Variants in PRKG1 observed in about 807,000 individuals in gnomAD.
PRKG1 encodes cGMP-dependent protein kinase 1.
Under a neutral mutation model 88.1 loss-of-function variants are expected in PRKG1, and 35 were observed. The ratio of observed to expected loss-of-function variants is 0.40; its 90% CI spans 0.30 to 0.53. The LOEUF is 0.53. PRKG1 is among the 20% of genes least tolerant of loss of function. The pLI, the probability that PRKG1 is intolerant of heterozygous loss-of-function variation, is 0.59. For missense variants in PRKG1, 540 were observed against 839.8 expected, an observed-to-expected ratio of 0.64 and a Z score of 4.41; for synonymous variants, 303 against 292.5, an observed-to-expected ratio of 1.04 and a Z score of -0.37.
intron 3 of PRKG1, among the ~76,000 whole-genome samples, chr10:51,626,814 C>T (rs1839348887): frequency 6.6e-6 from 1 of 152,132 alleles, no homozygotes; most frequent in South Asian, 2.1e-4. Context: ...CATCAGTTTT[C>T]CCTTTTTAAT....
At chr10:51,281,919 G>T (rs1489934474) in intron 2 of PRKG1, among the ~76,000 whole-genome samples, 2 of 152,182 alleles carry the variant, frequency 1.3e-5, no homozygotes, top group African/African-American at 4.8e-5. Flanking sequence ...CTATCCCTGA[G>T]CCCATCTCAG....
At chr10:51,970,095 T>C (rs1214427168) in intron 5 of PRKG1, among the ~76,000 whole-genome samples, 2 of 151,632 alleles carry the variant, frequency 1.3e-5, no homozygotes, top group African/African-American at 2.4e-5. Context: ...TGAACCATTA[T>C]GTTATATATA....
chr10:51,192,213 A>C (rs1837648799), intron 2 of PRKG1, among the ~76,000 whole-genome samples: 1 of 152,052 alleles, frequency 6.6e-6, no homozygotes, highest in South Asian at 2.1e-4. Flanking sequence ...ATTTCTATCA[A>C]GAAATAAAGC....
intron 7 of PRKG1, chr10:52,062,859 A>T (rs908138982): frequency 1.4e-6 from 1 of 703,870 alleles, no homozygotes; most frequent in Admixed American, 2.2e-5. Context: ...TGTTATATTA[A>T]TTGGAAACAT....
chr10:51,823,866 C>CTTTTT (rs5784887), intron 4 of PRKG1, among the ~76,000 whole-genome samples: 1 of 78,730 alleles, frequency 1.3e-5, no homozygotes, highest in Non-Finnish European at 2.3e-5. Context: ...TTTCTCTCTC[C>CTTTTT]TTTTTTTTTT....
chr10:51,838,936 G>A (rs1223832471), intron 4 of PRKG1, among the ~76,000 whole-genome samples: 2 of 149,700 alleles, frequency 1.3e-5, no homozygotes, highest in Non-Finnish European at 2.9e-5. Context: ...AAATTTAGCT[G>A]TATAATGGCT....
intron 2 of PRKG1, among the ~76,000 whole-genome samples, chr10:51,433,579 T>C (rs902741830): frequency 5.3e-5 from 8 of 152,154 alleles, no homozygotes; most frequent in Admixed American, 4.6e-4. Flanking sequence ...TTTTAAATAA[T>C]GACTCAATCC....
intron 2 of PRKG1, among the ~76,000 whole-genome samples, chr10:51,180,918 T>C (rs565452992): frequency 7.9e-5 from 12 of 152,330 alleles, no homozygotes; most frequent in Admixed American, 7.2e-4. Context: ...CAAAAAGTGG[T>C]GAAAATGAAC....
rs968857575 is a variant in PRKG1 at position 51,196,327 on chromosome 10, T to C, written c.478+42997T>C. On this transcript the variant is annotated intron_variant, in intron 2 of 17. Transcript: ENST00000373980. The stretch of plus-strand genomic sequence containing the variant: ...CTTATATGAATTAGATTTATTTTTA[T>C]ATACTTTTACAAGTAATATGCACAT... 2.0e-5 allele frequency among the ~76,000 whole-genome samples: 3 copies of C among 152,338 alleles called. No homozygotes were observed. The East Asian group carries it at 5.8e-4, about 29-fold the overall frequency.
chr10:52,284,301 C>T (rs1842064018), intron 14 of PRKG1, among the ~76,000 whole-genome samples: 1 of 151,856 alleles, frequency 6.6e-6, no homozygotes, highest in African/African-American at 2.4e-5. Context: ...GTTGTATTTT[C>T]AAAACCAAAC....
intron 2 of PRKG1, among the ~76,000 whole-genome samples, chr10:51,375,108 A>G (rs1482460541): frequency 6.6e-6 from 1 of 152,216 alleles, no homozygotes; most frequent in Admixed American, 6.5e-5. Flanking sequence ...TACCTATTCT[A>G]CTTACATTGG....
intron 5 of PRKG1, among the ~76,000 whole-genome samples, chr10:51,916,719 C>T (rs1205211184): frequency 6.6e-6 from 1 of 152,088 alleles, no homozygotes; most frequent in African/African-American, 2.4e-5. Context: ...AACTTACACA[C>T]AAAGGTTGAT....
chr10:51,672,304 CTG>C (rs1403310510), intron 3 of PRKG1, among the ~76,000 whole-genome samples: 4 of 151,964 alleles, frequency 2.6e-5, no homozygotes, highest in African/African-American at 9.7e-5. Flanking sequence ...CTCCTTAACT[CTG>C]TATTTTATTC....
At chr10:51,557,876 C>A (rs1837353592) in intron 3 of PRKG1, among the ~76,000 whole-genome samples, 1 of 151,936 alleles carries the variant, frequency 6.6e-6, no homozygotes, top group Non-Finnish European at 1.5e-5. Flanking sequence ...GCTTTGGCAC[C>A]AAGATATTTC....
intron 2 of PRKG1, among the ~76,000 whole-genome samples, chr10:51,349,934 A>C (rs1226472454): frequency 6.6e-6 from 1 of 152,106 alleles, no homozygotes; most frequent in Non-Finnish European, 1.5e-5. Flanking sequence ...AAATGAGCTT[A>C]CTCTCTATAG....
intron 4 of PRKG1, among the ~76,000 whole-genome samples, chr10:51,854,152 A>C (rs543726780): frequency 1.1e-4 from 17 of 152,104 alleles, no homozygotes; most frequent in Admixed American, 4.6e-4. Context: ...AGTCATAGTC[A>C]CTCAGTCATT....
chr10:51,404,436 C>T (rs16917629), intron 2 of PRKG1, among the ~76,000 whole-genome samples: 2,272 of 152,264 alleles, frequency 0.015, 45 homozygotes, highest in Admixed American at 0.049. Context: ...AAAACAAACC[C>T]AGCTGGACTG....
At chr10:51,949,458 A>C (rs1011024742) in intron 5 of PRKG1, among the ~76,000 whole-genome samples, 1 of 149,956 alleles carries the variant, frequency 6.7e-6, no homozygotes, top group Admixed American at 6.6e-5. Flanking sequence ...ATAAATAAAT[A>C]AATATATATA....
intron 9 of PRKG1, among the ~76,000 whole-genome samples, chr10:52,166,839 G>GTATATATGTATATATATGTATA (rs1838477606): frequency 1.1e-5 from 1 of 90,484 alleles, no homozygotes; most frequent in Non-Finnish European, 2.0e-5. Context: ...GTATATATAT[G>GTATATATGTATATATATGTATA]TATATATATG....
Sources: gnomAD v4.1 joint callset for allele counts (sites outside exome capture counted in the v4.1 genomes callset) on GRCh38, gnomAD v4.1.1 for gene constraint, MANE v1.5 for transcripts, NCBI Gene and HGNC (gene_info 2026-07-23, HGNC 2026-07-21) for gene names.